TMEM144: variants seen among roughly 807,000 people sequenced by gnomAD.
TMEM144 encodes the protein transmembrane protein 144.
Under a neutral mutation model 43.6 loss-of-function variants are expected in TMEM144, and 39 were observed. The ratio of observed to expected loss-of-function variants is 0.90; its 90% confidence interval spans 0.69 to 1.17. TMEM144 has a LOEUF of 1.17. Ranked by LOEUF, TMEM144 falls within the 50% of genes most tolerant of loss-of-function variation. The pLI is 0.00. For missense variants in TMEM144, 417 were observed against 411.9 expected (o/e 1.01, Z -0.11); for synonymous variants, 154 against 133.6 (o/e 1.15, Z -1.06).
At chr4:158,240,264 A>G (rs1560836599) in intron 9 of TMEM144, 35 bp from the exon 10 acceptor site, 1 of 1,584,156 alleles carries the variant, frequency 6.3e-7, no homozygotes, top group African/African-American at 1.4e-5. Flanking sequence ...GAATGATTAA[A>G]ATGGTGTTTG....
At chr4:158,243,769 G>A (rs1201974887) in intron 11 of TMEM144, among the ~76,000 whole-genome samples, 2 of 151,820 alleles carry the variant, frequency 1.3e-5, no homozygotes, top group Non-Finnish European at 2.9e-5. Flanking sequence ...AGCATTCATT[G>A]GTGTTTAATG....
At chr4:158,224,089 T>C (rs1247749831) in intron 6 of TMEM144, among the ~76,000 whole-genome samples, 2 of 152,226 alleles carry the variant, frequency 1.3e-5, no homozygotes, top group Admixed American at 6.5e-5. Flanking sequence ...TCTCTTTTTT[T>C]TAATAATCGC....
intron 7 of TMEM144, 108 bp from the exon 8 acceptor site, chr4:158,235,330 T>G: frequency 1.7e-6 from 2 of 1,143,432 alleles, no homozygotes; most frequent in South Asian, 3.2e-5. Flanking sequence ...GTTTATTATA[T>G]TTTAAAGCAT....
At chr4:158,248,252 G>A (rs1439671494) in intron 12 of TMEM144, among the ~76,000 whole-genome samples, 1 of 151,702 alleles carries the variant, frequency 6.6e-6, no homozygotes, top group Non-Finnish European at 1.5e-5. Flanking sequence ...GGGTGACATG[G>A]CAAAACCCTG....
At chr4:158,252,616 T>C (rs1402288370) in intron 12 of TMEM144, among the ~76,000 whole-genome samples, 2 of 152,044 alleles carry the variant, frequency 1.3e-5, no homozygotes. Flanking sequence ...AAGACCAGCC[T>C]GGCCAACATG....
Position 158,235,731 on chromosome 4 carries a change from C to A in TMEM144, c.563+226C>A, listed in dbSNP as rs1360181078. 3 of 401,092 alleles carry A rather than the reference C, an allele frequency of 7.5e-6. No homozygotes were observed. In the East Asian group the frequency reaches 1.1e-4, roughly 15 times the overall value. 24.8% of individuals were successfully genotyped at this position (401,092 alleles called of 1,614,324 possible). ...AATTACTAAATCATTGCATTTATCT[C>A]CAAATGATAAGTAGATAATAAAAGC... On this transcript the variant is annotated intron_variant, in intron 8 of 12. Transcript: ENST00000296529.
At chr4:158,226,238 TA>T (rs1448254893) in intron 6 of TMEM144, among the ~76,000 whole-genome samples, 2 of 152,246 alleles carry the variant, frequency 1.3e-5, no homozygotes, top group African/African-American at 4.8e-5. Context: ...ATTAGTGTGT[TA>T]TTAATGTTAA....
chr4:158,232,869 A>G lies in TMEM144; in HGVS notation c.414-32A>G, dbSNP rs1212419074. 3 of 1,490,520 alleles carry G rather than the reference A, an allele frequency of 2.0e-6. No individual in the cohort carries two copies. In the African/African-American group the frequency reaches 4.2e-5, roughly 21 times the overall value. The allele number at this position is 1,490,520 out of a possible 1,614,324, so 92.3% of individuals were successfully genotyped here. On this transcript the variant is annotated intron_variant, in intron 6 of 12. Transcript: ENST00000296529. The stretch of plus-strand genomic sequence containing the variant: ...CAGCTTGATATAAACCAGTATTATG[A>G]TAAATATCACTAAAATTTATTTTCC...
At chr4:158,239,419 C>T (rs1017821776) in intron 9 of TMEM144, among the ~76,000 whole-genome samples, 6 of 152,146 alleles carry the variant, frequency 3.9e-5, no homozygotes, top group Non-Finnish European at 7.3e-5. Context: ...GGGATTTTTC[C>T]GAGATTGGGC....
intron 9 of TMEM144, among the ~76,000 whole-genome samples, chr4:158,238,476 T>C (rs1046554228): frequency 3.2e-4 from 49 of 152,212 alleles, no homozygotes; most frequent in Non-Finnish European, 5.4e-4. Flanking sequence ...TCAAACCTTT[T>C]ACTGACTTCT....
chr4:158,230,765 C>T (rs73860311), intron 6 of TMEM144, among the ~76,000 whole-genome samples: 4,302 of 152,040 alleles, frequency 0.028, 143 homozygotes, highest in African/African-American at 0.084. Context: ...GATGTGGTTT[C>T]TACTGTAGGG....
At chr4:158,215,474 T>G (rs988235198) in intron 4 of TMEM144, among the ~76,000 whole-genome samples, 161 bp downstream of exon 4, 2 of 152,184 alleles carry the variant, frequency 1.3e-5, no homozygotes, top group Admixed American at 1.3e-4. Flanking sequence ...TCAATGAATA[T>G]TTTTGGTGCC....
At chr4:158,235,972 G>C in intron 8 of TMEM144, among the ~76,000 whole-genome samples, 1 of 152,178 alleles carries the variant, frequency 6.6e-6, no homozygotes, top group Middle Eastern at 3.2e-3. Context: ...TTCTGTGTCC[G>C]TGTGGGTCCT....
intron 8 of TMEM144, 53 bp downstream of exon 8, chr4:158,235,558 G>A (rs1735298791): frequency 1.3e-6 from 2 of 1,529,654 alleles, no homozygotes; most frequent in African/African-American, 1.4e-5. Context: ...TTTGGTTAAA[G>A]CAGGGATTAC....
chr4:158,229,242 A>G (rs1042333620), intron 6 of TMEM144, among the ~76,000 whole-genome samples: 1 of 152,102 alleles, frequency 6.6e-6, no homozygotes, highest in African/African-American at 2.4e-5. Flanking sequence ...TCTTCTCTCA[A>G]GGTCACTCTT....
intron 5 of TMEM144, 37 bp downstream of exon 5, chr4:158,217,457 G>C: frequency 7.1e-7 from 1 of 1,406,066 alleles, no homozygotes; most frequent in Non-Finnish European, 1.0e-6. Context: ...AAGATTTCCT[G>C]CATCCATATT....
rs775566325 is a variant in TMEM144, at chr4:158,219,488, G to A, written c.413+98G>A. On this transcript the variant is annotated intron_variant, in intron 6 of 12. Coordinates refer to ENST00000296529, the MANE Select transcript of TMEM144 (RefSeq NM_018342.5). ...TTTACATTTTTTAAACCTACATTTC[G>A]TAAAATCCACATGCTTGTTCCTCAG... 49 of 1,161,580 alleles carry A rather than the reference G, an allele frequency of 4.2e-5. No homozygotes were observed. In the Admixed American group the frequency reaches 5.8e-4, roughly 14 times the overall value. The allele number at this position is 1,161,580 out of a possible 1,614,324, so 72.0% of individuals were successfully genotyped here.
rs1235382771 is a variant in TMEM144, at chr4:158,254,188, G to A, written c.*661G>A. On this transcript the variant is annotated 3_prime_UTR_variant, in exon 13 of 13. Coordinates refer to ENST00000296529, the MANE Select transcript of TMEM144 (RefSeq NM_018342.5). ...GAGAACAAAAATTTTTCATCATTGA[G>A]AAAATGTGCATAACATAATACATAC... 2.0e-5 allele frequency: 3 copies of A among 152,096 alleles called. No homozygotes were observed. Among genetic ancestry groups the A allele is most frequent in the African/African-American group, 7.2e-5 (3 of 41,388 alleles). 9.4% of individuals were successfully genotyped at this position (152,096 alleles called of 1,614,324 possible). A position where few individuals can be genotyped will look rare whatever the true frequency, so the allele number is the denominator to read the frequency against.
At chr4:158,243,752 T>A (rs550834591) in intron 11 of TMEM144, among the ~76,000 whole-genome samples, 14 of 152,282 alleles carry the variant, frequency 9.2e-5, no homozygotes, top group African/African-American at 3.4e-4. Flanking sequence ...CCCATAAACC[T>A]TTTTTTAGCA....
Sources: allele counts gnomAD v4.1 joint callset (sites outside exome capture counted in the v4.1 genomes callset), GRCh38; gene constraint gnomAD v4.1.1; transcripts MANE v1.5; gene names NCBI Gene and HGNC (gene_info 2026-07-23, HGNC 2026-07-21).